The following CNN2 variants were observed in gnomAD, a reference collection of about 807,000 sequenced individuals.
CNN2 encodes the protein calponin-2.
In CNN2, 21 loss-of-function variants were observed where a neutral mutation model predicts 31.0. The ratio of observed to expected loss-of-function variants is 0.68; its 90% CI spans 0.48 to 0.98. The LOEUF is 0.98. Ranked by LOEUF, CNN2 falls within the 50% of genes least tolerant of loss-of-function variation. The pLI is 0.00. For synonymous variants in CNN2, 165 were observed against 179.6 expected (o/e 0.92, Z 0.65); for missense variants, 399 against 427.3 (o/e 0.93, Z 0.58).
chr19:1,037,295 G>A (rs1188027731), intron 6 of CNN2: 5 of 243,514 alleles, frequency 2.1e-5, no homozygotes, highest in East Asian at 1.0e-4. Flanking sequence ...CCGCCACCAC[G>A]CCCGGCTAAT....
chr19:1,037,263 G>C (rs1034669726), intron 6 of CNN2: 2 of 232,998 alleles, frequency 8.6e-6, no homozygotes, highest in African/African-American at 4.6e-5. Flanking sequence ...TCAGCCTCCC[G>C]AGTAGCTGAG....
rs577007776 is a variant in CNN2 at position 1,027,854 on chromosome 19, C to G, written c.63+1130C>G. ...CTGCCAGCCCCAACAGCCACCTGCC[C>G]GGCGGCACTCCAGGGCCGGCAGACT... On this transcript the variant is annotated intron_variant, in intron 1 of 6. Coordinates refer to ENST00000263097, the MANE Select transcript of CNN2 (RefSeq NM_004368.4). 2.0e-5 allele frequency among the ~76,000 whole-genome samples: 3 copies of G among 152,302 alleles called. No individual in the cohort carries two copies. In the South Asian group the frequency reaches 6.2e-4, roughly 32 times the overall value.
In CNN2 at chr19:1,036,154, G is replaced by T. The variant is rs140890265; in HGVS notation, c.415G>T (p.Gly139Trp). ...GGCCAAGACTAAGGGGCTGCAGAGC[G>T]GGGTGGACATTGGCGTCAAGTACTC... ...GKAKTKGLQS[G>W]VDIGVKYSEK... The change falls in exon 5 of 7, where the codon GGG (glycine) becomes TGG (tryptophan). Residue 139 changes from glycine (G) to tryptophan (W), a missense_variant. Physicochemically the swap from Gly to Trp is radical, Grantham distance 184. Transcript: ENST00000263097. 1 of 1,612,354 alleles carries T rather than the reference G, an allele frequency of 6.2e-7. No individual in the cohort carries two copies. The highest frequency in any genetic ancestry group is 8.5e-7 in the Non-Finnish European group (1 of 1,179,214).
chr19:1,026,928 G>C, intron 1 of CNN2: 1 of 540,246 alleles, frequency 1.9e-6, no homozygotes. Context: ...GGAGCACCCA[G>C]GTCTGAGATC....
At chr19:1,027,720 T>C (rs1225337494) in intron 1 of CNN2, among the ~76,000 whole-genome samples, 3 of 151,796 alleles carry the variant, frequency 2.0e-5, no homozygotes, top group Non-Finnish European at 4.4e-5. Flanking sequence ...GAGGGGGGTG[T>C]CGTCCCCGCC....
At chr19:1,031,242 T>G in intron 2 of CNN2, 50 bp downstream of exon 2, 1 of 1,467,870 alleles carries the variant, frequency 6.8e-7, no homozygotes, top group Non-Finnish European at 9.1e-7. Context: ...AAATCTTGGT[T>G]TTTCTCACTT....
intron 4 of CNN2, 67 bp downstream of exon 4, chr19:1,032,763 T>C: frequency 7.9e-7 from 1 of 1,261,682 alleles, no homozygotes; most frequent in Non-Finnish European, 1.1e-6. Context: ...GCTGCTGCAT[T>C]CACTCGTTTG....
intron 1 of CNN2, 40 bp from the exon 2 acceptor site, chr19:1,031,031 C>T: frequency 1.3e-6 from 2 of 1,575,950 alleles, no homozygotes; most frequent in South Asian, 1.1e-5. Flanking sequence ...GCTGGGGGTG[C>T]CCCCAGCCCA....
In CNN2 at chr19:1,038,996, A is replaced by C. The variant is rs1057914; in HGVS notation, c.*1096A>C. On this transcript the variant is annotated 3_prime_UTR_variant, in exon 7 of 7. Transcript: ENST00000263097. ...TGCACAGGGACCCCCCACCCAGGGGACCTGCTCCGTGAGATAATGTGAAAT... is the reference window on the plus strand; with the variant it reads ...TGCACAGGGACCCCCCACCCAGGGGCCCTGCTCCGTGAGATAATGTGAAAT... The C allele has an allele frequency of 0.84, 128,088 of 152,304 alleles. 54,032 individuals carry two copies. Among genetic ancestry groups the C allele is most frequent in the Admixed American group, 0.89 (13,516 of 15,270 alleles). 9.4% of individuals were successfully genotyped at this position (152,304 alleles called of 1,614,324 possible).
In CNN2 at chr19:1,026,628, T is replaced by G. The variant is rs1021909282; in HGVS notation, c.-34T>G. 30 of 1,504,928 alleles carry G rather than the reference T, an allele frequency of 2.0e-5. No individual in the cohort carries two copies. The highest frequency in any genetic ancestry group is 2.9e-5 in the African/African-American group (2 of 69,098). The allele number at this position is 1,504,928 out of a possible 1,614,324, so 93.2% of individuals were successfully genotyped here. On this transcript the variant is annotated 5_prime_UTR_variant, in exon 1 of 7. Coordinates refer to ENST00000263097, the MANE Select transcript of CNN2 (RefSeq NM_004368.4). ...CCGGCGGTCCCGTCCCGTCCCGTCC[T>G]GTGCGGCCCCGTCCCGCCGCCCGCC...
Position 1,032,026 on chromosome 19 carries a change from G to A in CNN2, c.186-366G>A, listed in dbSNP as rs552932838. 2.6e-5 allele frequency among the ~76,000 whole-genome samples: 4 copies of A among 151,224 alleles called. No individual in the cohort carries two copies. The South Asian group carries it at 6.5e-4, about 24-fold the overall frequency. ...GGACGGATCACGAGGTCAGGAGATC[G>A]AGACCAGCCTGGACAACATGGTGAA... On this transcript the variant is annotated intron_variant, in intron 2 of 6. Transcript: ENST00000263097.
At chr19:1,036,312 A>G in intron 5 of CNN2, 66 bp downstream of exon 5, 1 of 1,569,406 alleles carries the variant, frequency 6.4e-7, no homozygotes, top group Non-Finnish European at 8.7e-7. Flanking sequence ...GGGGGACAGC[A>G]GCATTGGGGG....
At chr19:1,027,855 G>C (rs2039423735) in intron 1 of CNN2, among the ~76,000 whole-genome samples, 1 of 152,066 alleles carries the variant, frequency 6.6e-6, no homozygotes, top group African/African-American at 2.4e-5. Flanking sequence ...CCACCTGCCC[G>C]GCGGCACTCC....
intron 4 of CNN2, among the ~76,000 whole-genome samples, chr19:1,035,224 G>A (rs1486365976): frequency 4.7e-5 from 6 of 127,346 alleles, no homozygotes; most frequent in Non-Finnish European, 1.0e-4. Context: ...GACCGGGAGC[G>A]TGGGTGGGAC....
intron 3 of CNN2, 26 bp from the exon 4 acceptor site, chr19:1,032,533 A>T: frequency 6.2e-7 from 1 of 1,613,440 alleles, no homozygotes; most frequent in South Asian, 1.1e-5. Context: ...AGGCCCACTC[A>T]CTGTCCCTCT....
chr19:1,036,749 C>A, intron 6 of CNN2, 187 bp downstream of exon 6: 1 of 717,528 alleles, frequency 1.4e-6, no homozygotes. Context: ...TCATTTCCAC[C>A]TGGCTGTGGG....
chr19:1,035,534 A>T (rs1193552672), intron 4 of CNN2, among the ~76,000 whole-genome samples: 1 of 152,090 alleles, frequency 6.6e-6, no homozygotes, highest in Non-Finnish European at 1.5e-5. Context: ...GGAAGGTGAG[A>T]GAGAGGAAGC....
Position 1,037,629 on chromosome 19 carries a change from G to T in CNN2, c.659G>T (p.Gly220Val), listed in dbSNP as rs1382496474. Residue 220 changes from glycine (G) to valine (V), a missense_variant, in exon 7 of 7, where the codon GGC becomes GTC. By Grantham distance (109) the Gly-to-Val change is moderately radical. Transcript: ENST00000263097. ...MGTNKCASQV[G>V]MTAPGTRRHI... ...CCACCCCTCCTTCCTCTCCAGGTGG[G>T]CATGACGGCTCCCGGGACCCGGCGG... 2 of 1,610,982 alleles carry T rather than the reference G, an allele frequency of 1.2e-6. No individual in the cohort carries two copies. Among genetic ancestry groups the T allele is most frequent in the Non-Finnish European group, 1.7e-6 (2 of 1,179,878 alleles).
At chr19:1,027,026 C>A (rs919252689) in intron 1 of CNN2, 1 of 320,528 alleles carries the variant, frequency 3.1e-6, no homozygotes. Flanking sequence ...AGGACCCCCA[C>A]GTGTGAAGCC....
Sources: gnomAD v4.1 joint callset for allele counts (sites outside exome capture counted in the v4.1 genomes callset) on GRCh38, gnomAD v4.1.1 for gene constraint, MANE v1.5 for transcripts, NCBI Gene and HGNC (gene_info 2026-07-23, HGNC 2026-07-21) for gene names.